The following AFG2A variants were observed in gnomAD, a reference collection of about 807,000 sequenced individuals.
AFG2A encodes the protein AAA ATPase AFG2A, also known as ATPase family gene 2 protein homolog A.
the AFG2A span, among the ~76,000 whole-genome samples, chr4:122,977,061 A>G: frequency 6.6e-6 from 1 of 152,188 alleles, no homozygotes; most frequent in African/African-American, 2.4e-5. Flanking sequence ...CCCTACAAGG[A>G]CAAAATGTTT....
chr4:123,306,126 C>T, the AFG2A span, among the ~76,000 whole-genome samples: 1 of 152,188 alleles, frequency 6.6e-6, no homozygotes, highest in African/African-American at 2.4e-5. Flanking sequence ...TCACATGTCC[C>T]TTTGCTTTCA....
the AFG2A span, among the ~76,000 whole-genome samples, chr4:123,218,004 G>A: frequency 6.6e-6 from 1 of 152,208 alleles, no homozygotes; most frequent in Non-Finnish European, 1.5e-5. Flanking sequence ...TGTGTCAGGG[G>A]CCTGCAGTGT....
chr4:122,937,467 G>A, the AFG2A span, among the ~76,000 whole-genome samples: 194 of 152,202 alleles, frequency 1.3e-3, 1 homozygote, highest in African/African-American at 4.5e-3. Flanking sequence ...GGCTGTCTTG[G>A]TGTTTAATAT....
chr4:123,313,773 C>A, the AFG2A span: 1 of 926,698 alleles, frequency 1.1e-6, no homozygotes, highest in Non-Finnish European at 1.5e-6. Flanking sequence ...TAAATTTTAG[C>A]AATGGGCATT....
chr4:123,095,450 A>G, the AFG2A span, among the ~76,000 whole-genome samples: 2 of 152,120 alleles, frequency 1.3e-5, no homozygotes, highest in African/African-American at 4.8e-5. Flanking sequence ...CTGAAGAACT[A>G]CTGTGGAACA....
chr4:122,941,985 G>A, the AFG2A span, among the ~76,000 whole-genome samples: 432 of 138,744 alleles, frequency 3.1e-3, no homozygotes, highest in African/African-American at 7.1e-3. Flanking sequence ...GATGAAGCCC[G>A]CTTGATCATG....
At chr4:123,062,370 A>G in the AFG2A span, among the ~76,000 whole-genome samples, 1 of 152,330 alleles carries the variant, frequency 6.6e-6, no homozygotes, top group African/African-American at 2.4e-5. Context: ...TATAACAATC[A>G]TCTGCAGTAC....
At chr4:123,136,400 G>T in the AFG2A span, among the ~76,000 whole-genome samples, 2 of 152,036 alleles carry the variant, frequency 1.3e-5, no homozygotes, top group Non-Finnish European at 2.9e-5. Flanking sequence ...CAGGTGCGGT[G>T]GCTCACCCCT....
At chr4:123,206,789 T>C in the AFG2A span, among the ~76,000 whole-genome samples, 3 of 152,190 alleles carry the variant, frequency 2.0e-5, no homozygotes, top group Non-Finnish European at 4.4e-5. Context: ...TGACAGTAGC[T>C]TTTTTCTATA....
At chr4:123,281,989 CT>C in the AFG2A span, among the ~76,000 whole-genome samples, 1,900 of 152,220 alleles carry the variant, frequency 0.012, 43 homozygotes, top group African/African-American at 0.044. Context: ...AGTGTAACTA[CT>C]GTATTCACTA....
chr4:123,013,933 A>C, the AFG2A span, among the ~76,000 whole-genome samples: 1 of 152,320 alleles, frequency 6.6e-6, no homozygotes, highest in South Asian at 2.1e-4. Context: ...TCAAATTATC[A>C]AGAAAAGTAA....
the AFG2A span, among the ~76,000 whole-genome samples, chr4:123,244,050 T>C: frequency 6.6e-6 from 1 of 151,620 alleles, no homozygotes; most frequent in Non-Finnish European, 1.5e-5. Flanking sequence ...CAGTAAGTAA[T>C]AGAGCCAGAA....
the AFG2A span, among the ~76,000 whole-genome samples, chr4:123,068,609 A>G: frequency 6.6e-6 from 1 of 152,218 alleles, no homozygotes; most frequent in South Asian, 2.1e-4. Context: ...ACTTATGTAT[A>G]TATTACCTAA....
chr4:123,312,289 G>C, the AFG2A span, among the ~76,000 whole-genome samples: 1 of 152,198 alleles, frequency 6.6e-6, no homozygotes, highest in Non-Finnish European at 1.5e-5. Context: ...GAGGGGTGGG[G>C]GAGGTATGCA....
chr4:122,955,576 T>C, the AFG2A span, among the ~76,000 whole-genome samples: 2 of 152,226 alleles, frequency 1.3e-5, no homozygotes, highest in African/African-American at 4.8e-5. Context: ...GCCTTTAGTC[T>C]TTTTGACCTT....
chr4:123,110,615 A>G, the AFG2A span, among the ~76,000 whole-genome samples: 1 of 152,230 alleles, frequency 6.6e-6, no homozygotes, highest in South Asian at 2.1e-4. Flanking sequence ...ATAAAGGGAA[A>G]TCAGAAAAAC....
chr4:123,148,725 C>A, the AFG2A span, among the ~76,000 whole-genome samples: 1 of 151,306 alleles, frequency 6.6e-6, no homozygotes, highest in South Asian at 2.1e-4. Flanking sequence ...CAAAAATTTG[C>A]AACATGATAG....
the AFG2A span, among the ~76,000 whole-genome samples, chr4:123,144,200 A>G: frequency 6.6e-6 from 1 of 152,042 alleles, no homozygotes; most frequent in Non-Finnish European, 1.5e-5. Flanking sequence ...TTTCTGTTAT[A>G]CTGCCTTATA....
At chr4:123,192,645 T>C in the AFG2A span, among the ~76,000 whole-genome samples, 1 of 152,220 alleles carries the variant, frequency 6.6e-6, no homozygotes, top group Non-Finnish European at 1.5e-5. Flanking sequence ...GTAAGCAGTC[T>C]TTTGTGGTCC....
Sources: gnomAD v4.1 joint callset for allele counts (sites outside exome capture counted in the v4.1 genomes callset) on GRCh38, gnomAD v4.1.1 for gene constraint, MANE v1.5 for transcripts, NCBI Gene and HGNC (gene_info 2026-07-23, HGNC 2026-07-21) for gene names.